The following CA5A variants were observed in gnomAD, a reference collection of about 807,000 sequenced individuals.
CA5A encodes the protein carbonic anhydrase 5A, also known as carbonic anhydrase 5A, mitochondrial.
A neutral mutation model predicts 37.1 loss-of-function variants in CA5A; 28 were observed. The ratio of observed to expected loss-of-function variants is 0.75; its 90% confidence interval spans 0.56 to 1.03. CA5A has a LOEUF of 1.03. CA5A is among the 50% of genes least tolerant of loss of function. The pLI is 0.00. For synonymous variants in CA5A, 171 were observed against 158.4 expected (o/e 1.08, Z -0.60); for missense variants, 444 against 399.9 (o/e 1.11, Z -0.94).
intron 2 of CA5A, among the ~76,000 whole-genome samples, chr16:87,917,117 A>AAG (rs1311321400): frequency 0.012 from 956 of 81,748 alleles, 7 homozygotes; most frequent in African/African-American, 0.071. Context: ...AAAAAAAAAA[A>AAG]AAAAGAAAAG....
chr16:87,911,551 C>A lies in CA5A; in HGVS notation c.341-6647G>T, dbSNP rs145421014. On this transcript the variant is annotated intron_variant, in intron 2 of 6. Coordinates refer to ENST00000649794, the MANE Select transcript of CA5A (RefSeq NM_001739.2). This position sits in a 1 kb window ranked among gnomAD's most constrained non-coding sequence, Gnocchi z 4.6. ...TCAAATAACATGATGCTGCAAAGGACCGGCCTGCTTCCGGTGCCACTCTGG... is the reference window on the plus strand; with the variant it reads ...TCAAATAACATGATGCTGCAAAGGAACGGCCTGCTTCCGGTGCCACTCTGG... Among the ~76,000 whole-genome samples the A allele has an allele frequency of 0.011, 1,626 of 152,254 alleles. 5 individuals are homozygous for A. Among genetic ancestry groups the A allele is most frequent in the Non-Finnish European group, 0.013 (898 of 68,012 alleles).
chr16:87,914,458 G>A (rs1212909552), intron 2 of CA5A, among the ~76,000 whole-genome samples: 3 of 152,164 alleles, frequency 2.0e-5, no homozygotes, highest in African/African-American at 2.4e-5. Context: ...CCAGCCCCAC[G>A]AGCTTGCAGT....
intron 2 of CA5A, among the ~76,000 whole-genome samples, chr16:87,913,041 T>G (rs1382220571): frequency 6.6e-6 from 1 of 150,544 alleles, no homozygotes; most frequent in African/African-American, 2.4e-5. Context: ...CTGGATGCAG[T>G]GGTACAATCT....
At chr16:87,933,490 C>T (rs1386185910) in intron 1 of CA5A, among the ~76,000 whole-genome samples, 1 of 152,184 alleles carries the variant, frequency 6.6e-6, no homozygotes, top group Non-Finnish European at 1.5e-5. Context: ...ATCCTCCTGC[C>T]TCAGCCTCCC....
chr16:87,904,801 G>C lies in CA5A; in HGVS notation c.444C>G (p.His148Gln). Reference protein sequence around the residue: ...EGGSEHTVDGHAYPAELHLVH... With the variant: ...EGGSEHTVDGQAYPAELHLVH... ...GTCTACAAACCTCTGCGGGGTACGC[G>C]TGGCCGTCCACTGTGTGCTCTGAGC... The change falls in exon 3 of 7, where the codon CAC (histidine) becomes CAG (glutamine). Residue 148 changes from histidine to glutamine, a missense_variant. Coordinates refer to ENST00000649794, the MANE Select transcript of CA5A (RefSeq NM_001739.2). 6.2e-7 allele frequency: 1 copy of C among 1,607,196 alleles called. No individual in the cohort carries two copies. Among genetic ancestry groups the C allele is most frequent in the African/African-American group, 1.3e-5 (1 of 74,930 alleles).
intron 5 of CA5A, chr16:87,893,819 C>T: frequency 2.9e-6 from 1 of 341,016 alleles, no homozygotes; most frequent in South Asian, 2.4e-5. Context: ...GTCACCCAGG[C>T]AGGAGTGCAA....
intron 2 of CA5A, among the ~76,000 whole-genome samples, chr16:87,919,534 G>A (rs2056201802): frequency 6.6e-6 from 1 of 152,052 alleles, no homozygotes; most frequent in Non-Finnish European, 1.5e-5. Context: ...GTCCCCTGGG[G>A]AAAGCAGAGT....
chr16:87,883,091 G>C (rs1283126328), downstream of CA5A: 2 of 152,156 alleles, frequency 1.3e-5, no homozygotes, highest in African/African-American at 4.8e-5. Context: ...CACCATCTCG[G>C]CTCACTGCAA....
intron 3 of CA5A, among the ~76,000 whole-genome samples, chr16:87,902,760 A>C (rs2055898084): frequency 2.0e-5 from 3 of 151,740 alleles, no homozygotes; most frequent in Admixed American, 2.0e-4. Context: ...CAAAAAAAAA[A>C]AATTAGCTGG....
chr16:87,904,865 T>C lies in CA5A; in HGVS notation c.380A>G (p.Lys127Arg), dbSNP rs2143963923. 1.2e-6 allele frequency: 2 copies of C among 1,613,318 alleles called. No homozygotes were observed. Among genetic ancestry groups the C allele is most frequent in the East Asian group, 4.5e-5 (2 of 44,888 alleles). The change falls in exon 3 of 7, where the codon AAG becomes AGG. Residue 127 changes from lysine to arginine, a missense_variant. Lys to Arg is a conservative substitution (Grantham distance 26). Transcript: ENST00000649794. ...GGPLENHYRLKQFHFHWGAVN... is the reference protein window; with the variant it reads ...GGPLENHYRLRQFHFHWGAVN... ...TGCTCCCCAGTGGAAGTGAAATTGC[T>C]TCAGTCTGTAGTGGTTTTCCAAGGG...
At chr16:87,886,539 G>C (rs368026499), downstream of CA5A, 22 of 152,244 alleles carry the variant, frequency 1.4e-4, no homozygotes, top group East Asian at 3.1e-3. Flanking sequence ...TGAGAAAAAA[G>C]ATTCATGGTT....
At chr16:87,926,021 G>A (rs181218851) in intron 2 of CA5A, among the ~76,000 whole-genome samples, 28 of 152,150 alleles carry the variant, frequency 1.8e-4, no homozygotes, top group African/African-American at 3.4e-4. Flanking sequence ...TCAGGGGTTC[G>A]AGAGCAGCCT....
At chr16:87,910,022 G>A (rs947565706) in intron 2 of CA5A, among the ~76,000 whole-genome samples, 6 of 152,254 alleles carry the variant, frequency 3.9e-5, no homozygotes, top group East Asian at 1.9e-4. Context: ...CTGCTGTTAC[G>A]GTTAAGTCAC....
chr16:87,900,229 A>G (rs1319971146), intron 5 of CA5A, among the ~76,000 whole-genome samples: 1 of 152,204 alleles, frequency 6.6e-6, no homozygotes, highest in Admixed American at 6.5e-5. Context: ...CTGGCTGGGA[A>G]AACAACCCCT....
intron 5 of CA5A, among the ~76,000 whole-genome samples, chr16:87,897,212 C>T (rs920399729): frequency 5.3e-5 from 8 of 152,264 alleles, no homozygotes; most frequent in African/African-American, 1.7e-4. Context: ...CTGTTTCCAC[C>T]TCCACAAGGC....
At chr16:87,914,861 T>C (rs1420678486) in intron 2 of CA5A, among the ~76,000 whole-genome samples, 3 of 152,058 alleles carry the variant, frequency 2.0e-5, no homozygotes, top group Admixed American at 6.6e-5. Context: ...GGGGAGGGGA[T>C]GGGCACAGAG....
chr16:87,901,253 A>G (rs2055873558), intron 5 of CA5A, among the ~76,000 whole-genome samples: 1 of 152,202 alleles, frequency 6.6e-6, no homozygotes, highest in Non-Finnish European at 1.5e-5. Context: ...AAAGAAAAGA[A>G]AAATATTCAG....
At chr16:87,900,654 C>G (rs1597552452) in intron 5 of CA5A, among the ~76,000 whole-genome samples, 1 of 152,366 alleles carries the variant, frequency 6.6e-6, no homozygotes, top group East Asian at 1.9e-4. Flanking sequence ...ACACTGTTGT[C>G]CCCACCATCT....
chr16:87,886,770 A>G (rs1294084378), downstream of CA5A: 1 of 152,248 alleles, frequency 6.6e-6, no homozygotes, highest in African/African-American at 2.4e-5. Flanking sequence ...AGAAGAGCCC[A>G]TCCATTCCCT....
Sources: gnomAD v4.1 joint callset for allele counts (sites outside exome capture counted in the v4.1 genomes callset) on GRCh38, gnomAD v4.1.1 for gene constraint, Gnocchi (gnomAD v3.1) non-coding constraint, MANE v1.5 for transcripts, NCBI Gene and HGNC (gene_info 2026-07-23, HGNC 2026-07-21) for gene names.